The following RBBP8 variants were observed in gnomAD, a reference collection of about 807,000 sequenced individuals.
RBBP8 encodes the protein DNA endonuclease RBBP8.
A neutral mutation model predicts 108.3 loss-of-function variants in RBBP8; 88 were observed. That is an observed-to-expected ratio of 0.81 (90% CI 0.68 to 0.97). The LOEUF is 0.97. RBBP8 is among the 50% of genes least tolerant of loss of function. RBBP8 has a pLI of 0.00. For missense variants in RBBP8, 1,023 were observed against 1,049.0 expected (o/e 0.98, Z 0.34); for synonymous variants, 332 against 348.2 (o/e 0.95, Z 0.52).
chr18:22,981,727 A>G (rs1354024927), intron 6 of RBBP8, among the ~76,000 whole-genome samples: 1 of 152,206 alleles, frequency 6.6e-6, no homozygotes, highest in Admixed American at 6.5e-5. Flanking sequence ...TGCCTGGACT[A>G]TTATAGCCAC....
At chr18:22,914,466 T>C (rs1909277144) in intron 1 of RBBP8, among the ~76,000 whole-genome samples, 1 of 152,212 alleles carries the variant, frequency 6.6e-6, no homozygotes, top group African/African-American at 2.4e-5. Context: ...GTTATGTTCA[T>C]TGATTGTTTG....
chr18:23,017,667 T>A (rs74733881), intron 17 of RBBP8, among the ~76,000 whole-genome samples: 244 of 149,468 alleles, frequency 1.6e-3, no homozygotes, highest in African/African-American at 5.7e-3. Context: ...AAAAAAAAAA[T>A]TATTTTTACC....
At position 23,017,708 on chromosome 18, in the gene RBBP8, A is replaced by AT. The variant is rs142881871; in HGVS notation, c.2454+790dup. On this transcript the variant is annotated intron_variant, in intron 17 of 18. Coordinates refer to ENST00000327155, the MANE Select transcript of RBBP8 (RefSeq NM_002894.3). ...TCTCAGGAAATTAGGTATACTCATAATTTTTTAAAAATAATTGGTACCAAT... is the reference window on the plus strand; with the variant it reads ...TCTCAGGAAATTAGGTATACTCATAATTTTTTTAAAAATAATTGGTACCAAT... Among the ~76,000 whole-genome samples, 13 of 145,972 alleles carry AT rather than the reference A, an allele frequency of 8.9e-5. No individual in the cohort carries two copies. In the East Asian group the frequency reaches 2.4e-3, roughly 27 times the overall value.
At chr18:23,022,637 T>TAAAATAAAATAAAAAAAATAAATA (rs376205689) in intron 18 of RBBP8, among the ~76,000 whole-genome samples, 1 of 78,052 alleles carries the variant, frequency 1.3e-5, no homozygotes, top group African/African-American at 5.1e-5. Flanking sequence ...TAAAATAAAA[T>TAAAATAAAATAAAAAAAATAAATA]AAATAAAATA....
intron 4 of RBBP8, among the ~76,000 whole-genome samples, chr18:22,965,889 G>A (rs895839526): frequency 1.8e-4 from 28 of 152,108 alleles, no homozygotes; most frequent in African/African-American, 6.8e-4. Flanking sequence ...TGTTCAATAT[G>A]GTAGCAAGTA....
At chr18:23,024,327 A>T (rs2046421178) in intron 18 of RBBP8, among the ~76,000 whole-genome samples, 1 of 152,218 alleles carries the variant, frequency 6.6e-6, no homozygotes, top group Non-Finnish European at 1.5e-5. Flanking sequence ...TTCTTTTAAT[A>T]AGACAACATA....
intron 5 of RBBP8, among the ~76,000 whole-genome samples, chr18:22,971,445 A>G (rs1914073162): frequency 6.6e-6 from 1 of 152,162 alleles, no homozygotes; most frequent in East Asian, 1.9e-4. Context: ...CAGTTGATAC[A>G]TAAGGGAAGA....
At chr18:22,948,854 ATACTT>A (rs1911787417) in intron 3 of RBBP8, among the ~76,000 whole-genome samples, 1 of 152,292 alleles carries the variant, frequency 6.6e-6, no homozygotes, top group African/African-American at 2.4e-5. Flanking sequence ...AAATATGTGA[ATACTT>A]TATATAATAA....
intron 6 of RBBP8, among the ~76,000 whole-genome samples, chr18:22,976,639 T>A (rs1008822656): frequency 1.8e-4 from 27 of 152,106 alleles, no homozygotes; most frequent in Middle Eastern, 3.2e-3. Context: ...TTCATTTTTT[T>A]TAAAAAATAT....
intron 18 of RBBP8, among the ~76,000 whole-genome samples, chr18:23,025,346 C>A (rs977467440): frequency 2.0e-5 from 3 of 152,196 alleles, no homozygotes; most frequent in Non-Finnish European, 1.5e-5. Context: ...AGGGAGAGAC[C>A]TTCTTCACTT....
chr18:23,014,683 G>C (rs780490054), intron 16 of RBBP8, among the ~76,000 whole-genome samples: 8 of 152,092 alleles, frequency 5.3e-5, no homozygotes, highest in South Asian at 4.1e-4. Context: ...TGTGCTTCTT[G>C]ATTGCTTTTT....
In RBBP8 at chr18:22,996,614, GCTTATT is replaced by G; in HGVS notation, c.2028+156_2028+161del. ...ATGCAGAAAATTAAGAAATAAAAAT[GCTTATT>G]CTTCTAACTTTATGGTATTTTTTAA... On this transcript the variant is annotated intron_variant, in intron 13 of 18. Coordinates refer to ENST00000327155, the MANE Select transcript of RBBP8 (RefSeq NM_002894.3). 2.2e-6 allele frequency: 3 copies of G among 1,385,240 alleles called. No homozygotes were observed. The South Asian group carries it at 4.5e-5, about 21-fold the overall frequency. The allele number at this position is 1,385,240 out of a possible 1,614,324, so 85.8% of individuals were successfully genotyped here. A position where few individuals can be genotyped will look rare whatever the true frequency, so the allele number is the denominator to read the frequency against.
intron 1 of RBBP8, among the ~76,000 whole-genome samples, chr18:22,935,384 C>G (rs1598631754): frequency 7.0e-6 from 1 of 142,194 alleles, no homozygotes; most frequent in Admixed American, 7.0e-5. Flanking sequence ...TAAGGCCTTT[C>G]TAAAAAAAAA....
At chr18:22,976,903 T>C (rs1160399444) in intron 6 of RBBP8, among the ~76,000 whole-genome samples, 1 of 152,144 alleles carries the variant, frequency 6.6e-6, no homozygotes, top group Non-Finnish European at 1.5e-5. Flanking sequence ...GGTAGAAATA[T>C]GAATTCTAAT....
chr18:22,994,259 G>A (rs954721213), intron 12 of RBBP8, among the ~76,000 whole-genome samples: 5 of 148,474 alleles, frequency 3.4e-5, no homozygotes, highest in South Asian at 4.3e-4. Context: ...TCCTGACATC[G>A]TGATCCACCA....
intron 4 of RBBP8, among the ~76,000 whole-genome samples, chr18:22,952,516 A>G (rs1912126270): frequency 6.6e-6 from 1 of 152,190 alleles, no homozygotes; most frequent in Non-Finnish European, 1.5e-5. Context: ...AAATGAGATA[A>G]TGGAAGCAGC....
exon 1 of RBBP8, chr18:22,914,289 T>G (rs2144319153): frequency 6.6e-6 from 1 of 152,320 alleles, no homozygotes; most frequent in South Asian, 2.1e-4. Context: ...AGCAGAGGTT[T>G]TCTAAATAAG....
At chr18:22,942,408 A>G (rs907233658) in intron 2 of RBBP8, among the ~76,000 whole-genome samples, 3 of 152,106 alleles carry the variant, frequency 2.0e-5, no homozygotes, top group Admixed American at 1.3e-4. Context: ...GATCACAACA[A>G]TATAATAAAC....
chr18:22,930,802 C>T (rs1477572459), upstream of RBBP8, among the ~76,000 whole-genome samples: 7 of 152,062 alleles, frequency 4.6e-5, no homozygotes, highest in Admixed American at 4.6e-4. Flanking sequence ...CAGGGTCTCT[C>T]GCTCTGTCAC....
Sources: allele counts gnomAD v4.1 joint callset (sites outside exome capture counted in the v4.1 genomes callset), GRCh38; gene constraint gnomAD v4.1.1; transcripts MANE v1.5; gene names NCBI Gene and HGNC (gene_info 2026-07-23, HGNC 2026-07-21).